PTPRM: variants seen among roughly 807,000 people sequenced by gnomAD.
PTPRM encodes the protein protein tyrosine phosphatase receptor type M.
PTPRM carries 47 observed loss-of-function variants against 186.7 expected under a neutral mutation model. The ratio of observed to expected loss-of-function variants is 0.25; its 90% CI spans 0.20 to 0.32. The LOEUF is 0.32. Ranked by LOEUF, PTPRM falls within the 10% of genes least tolerant of loss-of-function variation. The probability of loss-of-function intolerance (pLI) is 1.00; values close to 1 mark genes in which losing one functional copy is unlikely to be tolerated. For missense variants in PTPRM, 1,494 were observed against 1,865.0 expected, an observed-to-expected ratio of 0.80 and a Z score of 3.66; for synonymous variants, 668 against 674.9, an observed-to-expected ratio of 0.99 and a Z score of 0.16.
intron 13 of PTPRM, among the ~76,000 whole-genome samples, chr18:8,126,025 A>ATTTTTTTTTTTT (rs1215694977): frequency 1.6e-4 from 9 of 57,250 alleles, no homozygotes; most frequent in African/African-American, 2.2e-4. Context: ...ATATATATAT[A>ATTTTTTTTTTTT]TATTTTAAAT....
At position 7,651,035 on chromosome 18, in the gene PTPRM, G is replaced by A. The variant is rs1361515746; in HGVS notation, c.73+83144G>A. Among the ~76,000 whole-genome samples, 4 of 151,164 alleles carry A rather than the reference G, an allele frequency of 2.6e-5. No homozygotes were observed. In the South Asian group the frequency reaches 6.3e-4, roughly 24 times the overall value. On this transcript the variant is annotated intron_variant, in intron 1 of 32. Transcript: ENST00000580170. Reference sequence around the variant, plus strand: ...CAAACTCTGCCTCTCAGGTTCAAGTGATTTTCCTGCCTCAGCCTCCCTAGT... The same window carrying A: ...CAAACTCTGCCTCTCAGGTTCAAGTAATTTTCCTGCCTCAGCCTCCCTAGT...
chr18:8,317,121 G>T (rs543457884), intron 21 of PTPRM, among the ~76,000 whole-genome samples: 7 of 152,220 alleles, frequency 4.6e-5, no homozygotes, highest in African/African-American at 1.4e-4. Context: ...TGATCTGGCT[G>T]CTGGGAGGGA....
intron 20 of PTPRM, among the ~76,000 whole-genome samples, chr18:8,303,136 G>T (rs1166532113): frequency 6.6e-6 from 1 of 152,028 alleles, no homozygotes; most frequent in African/African-American, 2.4e-5. Flanking sequence ...TTTAATAATG[G>T]GCGGTCCTGA....
At position 7,861,875 on chromosome 18, in the gene PTPRM, T is replaced by C. The variant is rs1296968048; in HGVS notation, c.197-26231T>C. Among the ~76,000 whole-genome samples the C allele has an allele frequency of 2.0e-5, 3 of 152,102 alleles. 1 individual carries two copies. Among genetic ancestry groups the C allele is most frequent in the South Asian group, 4.1e-4 (2 of 4,828 alleles). On this transcript the variant is annotated intron_variant, in intron 2 of 32. Coordinates refer to ENST00000580170, the MANE Select transcript of PTPRM (RefSeq NM_001105244.2). ...TTACCCCCACCCTGCAAAGTAGACA[T>C]GGATATGTAGGCTGTATATTTGATT...
intron 3 of PTPRM, among the ~76,000 whole-genome samples, chr18:7,899,431 A>G (rs1043414967): frequency 1.3e-5 from 2 of 152,180 alleles, no homozygotes; most frequent in African/African-American, 4.8e-5. Context: ...ATGAGCCTTG[A>G]ATAATGAGGA....
chr18:7,752,841 G>A (rs895953380), intron 1 of PTPRM, among the ~76,000 whole-genome samples: 1 of 152,098 alleles, frequency 6.6e-6, no homozygotes, highest in African/African-American at 2.4e-5. Flanking sequence ...CTTTTAGTTA[G>A]GCACTTGGCA....
At chr18:7,966,761 G>C (rs1203502634) in intron 7 of PTPRM, among the ~76,000 whole-genome samples, 5 of 138,932 alleles carry the variant, frequency 3.6e-5, no homozygotes, top group South Asian at 4.9e-4. Context: ...CTTAAAAAAC[G>C]GCGCACCACG....
chr18:7,988,795 G>A (rs138366338), intron 7 of PTPRM, among the ~76,000 whole-genome samples: 193 of 152,176 alleles, frequency 1.3e-3, no homozygotes, highest in African/African-American at 4.4e-3. Flanking sequence ...ACCACATTTT[G>A]TTTATTCTTT....
At chr18:7,636,382 A>G (rs767152445) in intron 1 of PTPRM, among the ~76,000 whole-genome samples, 4 of 152,210 alleles carry the variant, frequency 2.6e-5, no homozygotes, top group African/African-American at 9.6e-5. Context: ...TTTCAGATCT[A>G]TGAGTGCATA....
At chr18:7,733,914 A>G (rs1457941313) in intron 1 of PTPRM, among the ~76,000 whole-genome samples, 3 of 152,012 alleles carry the variant, frequency 2.0e-5, no homozygotes, top group Non-Finnish European at 4.4e-5. Flanking sequence ...TCTGGTGTAA[A>G]CCCTTGTGGG....
intron 1 of PTPRM, among the ~76,000 whole-genome samples, chr18:7,598,968 A>G (rs9946371): frequency 0.024 from 3,629 of 152,210 alleles, 149 homozygotes; most frequent in African/African-American, 0.083. Context: ...TTATTATCAC[A>G]TTTTAGACTA....
Position 8,290,674 on chromosome 18 carries a change from G to C in PTPRM, c.2755-5694G>C, listed in dbSNP as rs548933995. ...GGGGAAGTCATTGGTATTCACTGGA[G>C]CTTGCCTGGTTTCATTTTTATTGTT... On this transcript the variant is annotated intron_variant, in intron 19 of 32. Coordinates refer to ENST00000580170, the MANE Select transcript of PTPRM (RefSeq NM_001105244.2). Among the ~76,000 whole-genome samples the C allele has an allele frequency of 4.6e-5, 7 of 152,254 alleles. No homozygotes were observed. The South Asian group carries it at 1.5e-3, about 32-fold the overall frequency.
intron 13 of PTPRM, among the ~76,000 whole-genome samples, chr18:8,115,767 A>G (rs573012063): frequency 8.5e-5 from 13 of 152,316 alleles, no homozygotes; most frequent in Admixed American, 2.0e-4. Context: ...TTTAACTCTC[A>G]GGTGAACATA....
At chr18:8,354,759 G>A (rs757255299) in intron 23 of PTPRM, among the ~76,000 whole-genome samples, 17 of 152,174 alleles carry the variant, frequency 1.1e-4, no homozygotes, top group African/African-American at 2.9e-4. Flanking sequence ...TCTTTGGTAC[G>A]TACCAAGTTC....
At chr18:8,315,576 C>T (rs548667489) in intron 21 of PTPRM, among the ~76,000 whole-genome samples, 40 of 152,192 alleles carry the variant, frequency 2.6e-4, no homozygotes, top group African/African-American at 8.4e-4. Context: ...CTCCAAGGCC[C>T]GAGTTTATAT....
At chr18:8,166,933 A>C (rs1275862248) in intron 14 of PTPRM, among the ~76,000 whole-genome samples, 1 of 152,218 alleles carries the variant, frequency 6.6e-6, no homozygotes, top group Non-Finnish European at 1.5e-5. Context: ...AGCTGGAAAG[A>C]AAGCAGCTGA....
intron 1 of PTPRM, among the ~76,000 whole-genome samples, chr18:7,729,165 C>T (rs184521182): frequency 4.4e-4 from 67 of 152,348 alleles, no homozygotes; most frequent in African/African-American, 1.5e-3. Flanking sequence ...CTGCCTCAGC[C>T]TCTCAAAATG....
At chr18:7,676,423 G>A (rs1181796579) in intron 1 of PTPRM, among the ~76,000 whole-genome samples, 1 of 152,100 alleles carries the variant, frequency 6.6e-6, no homozygotes, top group Non-Finnish European at 1.5e-5. Flanking sequence ...CCTTTGGCCT[G>A]ACTTATACTG....
chr18:8,301,856 G>T (rs1323796253), intron 20 of PTPRM, among the ~76,000 whole-genome samples: 1 of 152,224 alleles, frequency 6.6e-6, no homozygotes, highest in Non-Finnish European at 1.5e-5. Flanking sequence ...GATGTTTTTA[G>T]ACTGTGGTCA....
Sources: gnomAD v4.1 joint callset for allele counts (sites outside exome capture counted in the v4.1 genomes callset) on GRCh38, gnomAD v4.1.1 for gene constraint, MANE v1.5 for transcripts, NCBI Gene and HGNC (gene_info 2026-07-23, HGNC 2026-07-21) for gene names.